Variants in MPP2 observed in about 807,000 individuals in gnomAD.
MPP2 encodes the protein MAGUK p55 scaffold protein 2, also known as MAGUK p55 subfamily member 2.
MPP2 carries 42 observed loss-of-function variants against 58.5 expected under a neutral mutation model. That is an observed-to-expected ratio of 0.72 (90% confidence interval 0.56 to 0.93). MPP2 has a LOEUF of 0.93. Among genes scored for constraint, MPP2 ranks in the 40% least tolerant of loss-of-function variants. MPP2 has a pLI of 0.00. For missense variants in MPP2, 632 were observed against 760.4 expected (o/e 0.83, Z 1.99); for synonymous variants, 300 against 307.8 (o/e 0.97, Z 0.26).
chr17:43,907,828 G>C, upstream of MPP2: 1 of 985,450 alleles, frequency 1.0e-6, no homozygotes, highest in Non-Finnish European at 1.2e-6. Context: ...TGGTAAAAGT[G>C]CCTAATGAGA....
Position 43,880,003 on chromosome 17 carries a change from G to T in MPP2, c.1151-19C>A, listed in dbSNP as rs2047036099. The stretch of plus-strand genomic sequence containing the variant: ...GAGGTGTCTAGGGGGATGGGGGTAG[G>T]TTGGACCAAATGGGCAGGGGCAGGT... On this transcript the variant is annotated intron_variant, in intron 10 of 12. Coordinates refer to ENST00000269095, the MANE Select transcript of MPP2 (RefSeq NM_005374.5). This position sits in a 1 kb window ranked among gnomAD's most constrained non-coding sequence, Gnocchi z 5.2. 8.7e-6 allele frequency: 14 copies of T among 1,613,370 alleles called. No homozygotes were observed. The highest frequency in any genetic ancestry group is 1.2e-5 in the Non-Finnish European group (14 of 1,179,558).
At chr17:43,901,522 C>CA in intron 2 of MPP2, 10 of 985,512 alleles carry the variant, frequency 1.0e-5, no homozygotes, top group Non-Finnish European at 1.2e-5. Flanking sequence ...CAGGGTACTG[C>CA]AGCCTCCACT....
At chr17:43,894,107 T>C (rs2047718333) in intron 3 of MPP2, among the ~76,000 whole-genome samples, 2 of 137,820 alleles carry the variant, frequency 1.5e-5, no homozygotes, top group African/African-American at 5.6e-5. Context: ...ACCCTGTCTC[T>C]ACTAAAAAAA....
chr17:43,887,900 TTG>T, intron 3 of MPP2, among the ~76,000 whole-genome samples: 1 of 152,298 alleles, frequency 6.6e-6, no homozygotes, highest in East Asian at 1.9e-4. Context: ...AATGAAACAC[TTG>T]CAGATACAAT....
At chr17:43,898,151 C>T in intron 3 of MPP2, 111 bp downstream of exon 3, 1 of 823,192 alleles carries the variant, frequency 1.2e-6, no homozygotes. Flanking sequence ...TTCAGGGGGG[C>T]CTCTTGTGCC....
intron 2 of MPP2, chr17:43,900,391 C>T: frequency 6.6e-7 from 1 of 1,503,848 alleles, no homozygotes; most frequent in Non-Finnish European, 9.0e-7. Flanking sequence ...GGCCACCCTC[C>T]CCAGATGCCC....
chr17:43,902,544 G>C (rs2048136968), intron 2 of MPP2, among the ~76,000 whole-genome samples: 1 of 152,228 alleles, frequency 6.6e-6, no homozygotes, highest in East Asian at 1.9e-4. Context: ...TGAGCCCTCT[G>C]ATGCTGCAGA....
Position 43,894,436 on chromosome 17 carries a change from TATATATATACACACAC to T in MPP2, c.150+3810_150+3825del, listed in dbSNP as rs1412716219. On this transcript the variant is annotated intron_variant, in intron 3 of 12. Coordinates refer to ENST00000269095, the MANE Select transcript of MPP2 (RefSeq NM_005374.5). ...ATCTCAAAATATATATATATATATA[TATATATATACACACAC>T]ACACACACACAAAAATTAGCCGGGC... is the stretch of plus-strand genomic sequence containing the variant. Among the ~76,000 whole-genome samples the T allele has an allele frequency of 1.3e-3, 18 of 13,654 alleles. 1 individual carries two copies. The highest frequency in any genetic ancestry group is 1.9e-3 in the Non-Finnish European group (13 of 6,866). The allele number at this position is 13,654 out of a possible 152,430, so 9.0% of individuals were successfully genotyped here. A position where few individuals can be genotyped will look rare whatever the true frequency, so the allele number is the denominator to read the frequency against.
chr17:43,900,735 T>C (rs1252388388), intron 2 of MPP2: 1 of 1,165,308 alleles, frequency 8.6e-7, no homozygotes, highest in Non-Finnish European at 1.2e-6. Context: ...TGACTGGCGC[T>C]GCGCGGTGCA....
chr17:43,907,339 G>A, intron 1 of MPP2, 135 bp downstream of exon 1: 1 of 985,752 alleles, frequency 1.0e-6, no homozygotes, highest in East Asian at 1.1e-4. Context: ...CGGGTGGACA[G>A]GGAGGGAACG....
intron 3 of MPP2, 65 bp downstream of exon 3, chr17:43,898,197 C>T (rs752471987): frequency 9.8e-5 from 121 of 1,230,222 alleles, no homozygotes; most frequent in Non-Finnish European, 1.4e-4. Flanking sequence ...GTAGCTAATA[C>T]CCCATCCCCT....
At chr17:43,881,680 C>T in intron 6 of MPP2, 91 bp from the exon 7 acceptor site, 2 of 1,492,406 alleles carry the variant, frequency 1.3e-6, no homozygotes, top group East Asian at 4.7e-5. Context: ...TTCACAGAGA[C>T]TAAGGGGCAA....
rs970968823 is a variant in MPP2 at position 43,879,432 on chromosome 17, T to C, written c.1354-29A>G. The C allele has an allele frequency of 6.2e-7, 1 of 1,612,050 alleles. No homozygotes were observed. The highest frequency in any genetic ancestry group is 8.5e-7 in the Non-Finnish European group (1 of 1,178,958). ...CAGAAGGAGAAGGCAAGGTAGGGAG[T>C]ATATCCCCATGTCTGTCCTAGGAAC... On this transcript the variant is annotated intron_variant, in intron 11 of 12. Coordinates refer to ENST00000269095, the MANE Select transcript of MPP2 (RefSeq NM_005374.5). This position sits in a 1 kb window ranked among gnomAD's most constrained non-coding sequence, Gnocchi z 4.1.
Position 43,876,700 on chromosome 17 carries a change from GCA to G in MPP2, c.*1105_*1106del, listed in dbSNP as rs1210022828. On this transcript the variant is annotated 3_prime_UTR_variant, in exon 13 of 13. Transcript: ENST00000269095. ...ACATACACACAACCTGGTGCCAGAGGCACAGACAGGTGCCGAACATGCACGTG... is the reference window on the plus strand; with the variant it reads ...ACATACACACAACCTGGTGCCAGAGGCAGACAGGTGCCGAACATGCACGTG... 14 of 152,452 alleles carry G rather than the reference GCA, an allele frequency of 9.2e-5. No homozygotes were observed. Among genetic ancestry groups the G allele is most frequent in the African/African-American group, 2.9e-4 (12 of 41,554 alleles). The allele number at this position is 152,452 out of a possible 1,614,324, so 9.4% of individuals were successfully genotyped here.
intron 3 of MPP2, among the ~76,000 whole-genome samples, chr17:43,897,591 C>T (rs150367981): frequency 2.6e-5 from 4 of 152,210 alleles, no homozygotes; most frequent in African/African-American, 9.6e-5. Flanking sequence ...AACCTTTGCA[C>T]AGCTCGCATT....
At position 43,882,976 on chromosome 17, in the gene MPP2, G is replaced by C. The variant is rs577270830; in HGVS notation, c.380C>G (p.Thr127Arg). Residue 127 changes from threonine to arginine, a missense_variant, in exon 5 of 13, where the codon ACA becomes AGA. Thr to Arg is a moderately conservative substitution (Grantham distance 71, BLOSUM62 -1). Coordinates refer to ENST00000269095, the MANE Select transcript of MPP2 (RefSeq NM_005374.5). ...GGGAGGTACAGGCTGGTTGCTGAAT[G>C]TAGGGTCCAGGCCAGGGCTGGGGGG... ...TPPPSPGLDP[T>R]FSNQPVPPDA... is the part of the protein sequence containing the mutation. 21 of 1,614,108 alleles carry C rather than the reference G, an allele frequency of 1.3e-5. No individual in the cohort carries two copies. Among genetic ancestry groups the C allele is most frequent in the Non-Finnish European group, 1.7e-5 (20 of 1,180,026 alleles).
chr17:43,889,843 C>G (rs191732006), intron 3 of MPP2, among the ~76,000 whole-genome samples: 2,478 of 122,182 alleles, frequency 0.02, 60 homozygotes, highest in African/African-American at 0.066. Context: ...GACAGAGTCT[C>G]ACTCTGTTGC....
At chr17:43,884,103 T>C in intron 3 of MPP2, 1 of 702,808 alleles carries the variant, frequency 1.4e-6, no homozygotes, top group Non-Finnish European at 2.6e-6. Flanking sequence ...TTTCAGCATG[T>C]ATTTCATAGG....
intron 2 of MPP2, chr17:43,900,539 G>A: frequency 1.3e-6 from 2 of 1,546,524 alleles, no homozygotes; most frequent in Non-Finnish European, 1.7e-6. Flanking sequence ...CCCGCTGCCT[G>A]GGCTGCCTGC....
Sources: gnomAD v4.1 joint callset for allele counts (sites outside exome capture counted in the v4.1 genomes callset) on GRCh38, gnomAD v4.1.1 for gene constraint, Gnocchi (gnomAD v3.1) non-coding constraint, MANE v1.5 for transcripts, NCBI Gene and HGNC (gene_info 2026-07-23, HGNC 2026-07-21) for gene names.